ANXA2: variants seen among roughly 807,000 people sequenced by gnomAD.
ANXA2 encodes the protein annexin A2, also known as annexin II.
A neutral mutation model predicts 47.3 loss-of-function variants in ANXA2; 28 were observed. The observed-to-expected ratio is 0.59, with a 90% CI of 0.44 to 0.81. The LOEUF (loss-of-function observed/expected upper bound fraction) is 0.81. ANXA2 is among the 40% of genes least tolerant of loss of function. ANXA2 has a pLI of 0.00. For synonymous variants in ANXA2, 172 were observed against 155.5 expected (o/e 1.11, Z -0.79); for missense variants, 384 against 414.3 (o/e 0.93, Z 0.64).
chr15:60,371,007 T>C (rs1320861516), intron 3 of ANXA2, among the ~76,000 whole-genome samples: 1 of 152,200 alleles, frequency 6.6e-6, no homozygotes. Context: ...AGAACATGAA[T>C]TCTGTGATCC....
chr15:60,348,884 T>A (rs958729238), intron 12 of ANXA2, among the ~76,000 whole-genome samples, 191 bp downstream of exon 12: 1 of 152,200 alleles, frequency 6.6e-6, no homozygotes, highest in African/African-American at 2.4e-5. Context: ...ATCTGCCTGA[T>A]TGTACAAAGT....
intron 3 of ANXA2, among the ~76,000 whole-genome samples, chr15:60,381,367 TC>T (rs1241104776): frequency 2.0e-5 from 3 of 152,138 alleles, no homozygotes; most frequent in African/African-American, 7.2e-5. Flanking sequence ...AAGTGCTTTA[TC>T]CAAGGGGGGA....
chr15:60,365,600 A>G (rs72746605), intron 3 of ANXA2, among the ~76,000 whole-genome samples: 29,169 of 152,208 alleles, frequency 0.19, 3,020 homozygotes, highest in Middle Eastern at 0.3. Flanking sequence ...AGACAAAGAC[A>G]AACAGCAGAT....
chr15:60,372,854 C>T (rs1337617152), intron 3 of ANXA2, among the ~76,000 whole-genome samples: 1 of 151,918 alleles, frequency 6.6e-6, no homozygotes, highest in Non-Finnish European at 1.5e-5. Flanking sequence ...CCACCAACAC[C>T]CAGCTAATTA....
intron 3 of ANXA2, among the ~76,000 whole-genome samples, chr15:60,365,826 GTCTCCC>G (rs200989736): frequency 9.6e-5 from 10 of 104,578 alleles, no homozygotes; most frequent in East Asian, 2.5e-4. Flanking sequence ...TTGCTGCTGA[GTCTCCC>G]TCTCCCTCTC....
chr15:60,372,908 C>A (rs968300672), intron 3 of ANXA2, among the ~76,000 whole-genome samples: 5 of 151,788 alleles, frequency 3.3e-5, no homozygotes, highest in African/African-American at 4.8e-5. Flanking sequence ...GTTGCCCAGG[C>A]CCTCCCAAAG....
intron 1 of ANXA2, chr15:60,397,241 A>T (rs1356928677): frequency 1.0e-6 from 1 of 979,296 alleles, no homozygotes; most frequent in Admixed American, 6.1e-5. Flanking sequence ...TCCCCACAGA[A>T]TCATGGGGGA....
intron 1 of ANXA2, 152 bp downstream of exon 1, chr15:60,397,791 C>G (rs1430235087): frequency 8.0e-7 from 1 of 1,249,768 alleles, no homozygotes; most frequent in East Asian, 3.1e-5. Flanking sequence ...CAAAGACTCT[C>G]CAGTGCCGGC....
At chr15:60,390,911 A>T (rs1327987909) in intron 1 of ANXA2, 1 of 153,440 alleles carries the variant, frequency 6.5e-6, no homozygotes, top group Non-Finnish European at 1.4e-5. Flanking sequence ...TTGACTAATG[A>T]GAATGTGTCA....
At chr15:60,364,395 A>C in intron 4 of ANXA2, 34 bp downstream of exon 4, 1 of 1,563,556 alleles carries the variant, frequency 6.4e-7, no homozygotes, top group Non-Finnish European at 8.8e-7. Context: ...AAAATTCAAC[A>C]AGAAATGCCC....
chr15:60,381,710 A>G (rs1372213799), intron 3 of ANXA2, among the ~76,000 whole-genome samples: 1 of 152,144 alleles, frequency 6.6e-6, no homozygotes, highest in Non-Finnish European at 1.5e-5. Context: ...GGGGTTTAAA[A>G]AAAACAAAAA....
intron 3 of ANXA2, among the ~76,000 whole-genome samples, chr15:60,371,820 G>T (rs1053026153): frequency 6.6e-6 from 1 of 152,178 alleles, no homozygotes; most frequent in Non-Finnish European, 1.5e-5. Context: ...ACAGAGTTAT[G>T]GGTGTGTACA....
chr15:60,355,717 G>A, intron 7 of ANXA2: 1 of 636,260 alleles, frequency 1.6e-6, no homozygotes, highest in East Asian at 2.9e-5. Context: ...AAGTCCACTT[G>A]TCCATGAGGT....
At position 60,372,838 on chromosome 15, in the gene ANXA2, C is replaced by T. The variant is rs565613434; in HGVS notation, c.149-8315G>A. 1.6e-3 allele frequency among the ~76,000 whole-genome samples: 249 copies of T among 152,008 alleles called. 2 individuals are homozygous for T. The highest frequency in any genetic ancestry group is 5.3e-3 in the African/African-American group (220 of 41,466). ...CCTCCTGAGTAGCTGGAAGCACAGG[C>T]ACTCACCACCAACACCCAGCTAATT... On this transcript the variant is annotated intron_variant, in intron 3 of 12. Transcript: ENST00000451270.
intron 1 of ANXA2, chr15:60,394,702 A>C (rs2063058205): frequency 1.2e-5 from 1 of 82,256 alleles, no homozygotes; most frequent in African/African-American, 3.3e-5. Context: ...CCATCTCAAA[A>C]GAAAAAAAAA....
At chr15:60,388,370 T>A (rs11071524) in intron 1 of ANXA2, among the ~76,000 whole-genome samples, 1 of 151,922 alleles carries the variant, frequency 6.6e-6, no homozygotes, top group African/African-American at 2.4e-5. Context: ...TATATAAAAT[T>A]TCTCATTTAT....
intron 12 of ANXA2, among the ~76,000 whole-genome samples, chr15:60,348,029 C>T (rs7163836): frequency 0.43 from 65,313 of 152,010 alleles, 14,354 homozygotes; most frequent in Admixed American, 0.56. Flanking sequence ...TTTCCTCTCT[C>T]GTCCTCGTCT....
intron 3 of ANXA2, among the ~76,000 whole-genome samples, chr15:60,366,522 T>G (rs1944141875): frequency 6.8e-6 from 1 of 146,642 alleles, no homozygotes; most frequent in South Asian, 2.2e-4. Flanking sequence ...ATGAGGAGCG[T>G]CTCTGCCCGG....
At chr15:60,381,915 G>A (rs1419312834) in intron 3 of ANXA2, among the ~76,000 whole-genome samples, 3 of 151,468 alleles carry the variant, frequency 2.0e-5, no homozygotes, top group Non-Finnish European at 4.4e-5. Flanking sequence ...CCTAGGACCA[G>A]ATCCGGCTCC....
Sources: gnomAD v4.1 joint callset for allele counts (sites outside exome capture counted in the v4.1 genomes callset) on GRCh38, gnomAD v4.1.1 for gene constraint, MANE v1.5 for transcripts, NCBI Gene and HGNC (gene_info 2026-07-23, HGNC 2026-07-21) for gene names.